The following PARD3B variants were observed in gnomAD, a reference collection of about 807,000 sequenced individuals.
PARD3B encodes partitioning defective 3 homolog B.
PARD3B carries 103 observed loss-of-function variants against 130.2 expected under a neutral mutation model. That is an observed-to-expected ratio of 0.79 (90% CI 0.67 to 0.93). PARD3B has a LOEUF of 0.93. Among genes scored for constraint, PARD3B ranks in the 40% least tolerant of loss-of-function variants. PARD3B has a pLI of 0.00. For missense variants in PARD3B, 1,609 were observed against 1,499.2 expected, an observed-to-expected ratio of 1.07 and a Z score of -1.21; for synonymous variants, 583 against 553.2, an observed-to-expected ratio of 1.05 and a Z score of -0.76.
chr2:205,189,577 C>T, intron 14 of PARD3B, among the ~76,000 whole-genome samples: 1 of 152,172 alleles, frequency 6.6e-6, no homozygotes, highest in East Asian at 1.9e-4. Context: ...CATGCTAACT[C>T]CCTTCAAAAT....
intron 2 of PARD3B, among the ~76,000 whole-genome samples, chr2:204,770,505 G>C (rs539416026): frequency 1.3e-5 from 2 of 151,946 alleles, no homozygotes; most frequent in Admixed American, 1.3e-4. Context: ...GAGTTCTGTA[G>C]ATGTCTATTA....
chr2:205,489,673 A>G (rs1298424249), intron 20 of PARD3B, among the ~76,000 whole-genome samples: 1 of 151,814 alleles, frequency 6.6e-6, no homozygotes, highest in African/African-American at 2.4e-5. Flanking sequence ...GGCAAAACTG[A>G]CTTCTAAAAT....
At chr2:204,777,603 A>G (rs2041675347) in intron 2 of PARD3B, among the ~76,000 whole-genome samples, 2 of 152,098 alleles carry the variant, frequency 1.3e-5, no homozygotes, top group Admixed American at 1.3e-4. Flanking sequence ...CCCTGTCTCT[A>G]CAAAAAATTA....
At chr2:205,036,576 AAAT>A (rs893414068) in intron 3 of PARD3B, among the ~76,000 whole-genome samples, 4 of 149,732 alleles carry the variant, frequency 2.7e-5, no homozygotes, top group African/African-American at 9.8e-5. Flanking sequence ...TATGTACAAA[AAAT>A]ATATATACAC....
At chr2:205,483,866 C>T (rs78627352) in intron 20 of PARD3B, among the ~76,000 whole-genome samples, 3,292 of 152,210 alleles carry the variant, frequency 0.022, 51 homozygotes, top group Non-Finnish European at 0.033. Flanking sequence ...CTTGTTTACA[C>T]TTGGAAAAGA....
At chr2:205,286,616 TAAAAC>T (rs1390265479) in intron 16 of PARD3B, among the ~76,000 whole-genome samples, 2 of 152,130 alleles carry the variant, frequency 1.3e-5, no homozygotes, top group African/African-American at 4.8e-5. Flanking sequence ...AAGGGAAACT[TAAAAC>T]AAACACAGTG....
intron 2 of PARD3B, among the ~76,000 whole-genome samples, chr2:204,724,408 C>G (rs893323419): frequency 2.0e-5 from 3 of 152,096 alleles, no homozygotes. Flanking sequence ...TGGAGCAGTA[C>G]TCAGTAATGT....
chr2:205,533,620 T>C (rs2051700780), intron 21 of PARD3B, among the ~76,000 whole-genome samples: 1 of 152,200 alleles, frequency 6.6e-6, no homozygotes, highest in Non-Finnish European at 1.5e-5. Flanking sequence ...GTTCATTAAA[T>C]AATGAAATCA....
intron 18 of PARD3B, among the ~76,000 whole-genome samples, chr2:205,308,676 A>G (rs1410560661): frequency 6.6e-6 from 1 of 152,078 alleles, no homozygotes; most frequent in African/African-American, 2.4e-5. Flanking sequence ...CATGTAAACT[A>G]TTTGTAACAG....
chr2:204,726,280 A>C (rs1420085006), intron 2 of PARD3B, among the ~76,000 whole-genome samples: 1 of 152,210 alleles, frequency 6.6e-6, no homozygotes, highest in Non-Finnish European at 1.5e-5. Context: ...TTGCTGAAGC[A>C]TCACTAATTG....
intron 2 of PARD3B, among the ~76,000 whole-genome samples, chr2:204,884,027 G>A (rs1051829790): frequency 2.6e-5 from 4 of 152,302 alleles, no homozygotes; most frequent in East Asian, 1.9e-4. Flanking sequence ...GTGAGCCACC[G>A]CACCTGGCCA....
chr2:204,545,786 C>A lies in PARD3B; in HGVS notation c.-214C>A. On this transcript the variant is annotated 5_prime_UTR_variant, in exon 1 of 23. Transcript: ENST00000406610. ...GCCGCCGGGCACCTGGGAGGTAACC[C>A]CTTTCCGCGGCCGCCCCTCCCCGAT... 1 of 479,816 alleles carries A rather than the reference C, an allele frequency of 2.1e-6. No homozygotes were observed. The highest frequency in any genetic ancestry group is 3.5e-6 in the Non-Finnish European group (1 of 282,232). The allele number at this position is 479,816 out of a possible 1,614,324, so 29.7% of individuals were successfully genotyped here.
chr2:205,179,904 A>C (rs903559222), intron 13 of PARD3B, among the ~76,000 whole-genome samples: 2 of 152,044 alleles, frequency 1.3e-5, no homozygotes, highest in African/African-American at 4.8e-5. Flanking sequence ...CAATACAATA[A>C]TCATTTGGTT....
intron 18 of PARD3B, among the ~76,000 whole-genome samples, chr2:205,340,382 T>C (rs773690629): frequency 2.0e-5 from 3 of 152,082 alleles, no homozygotes; most frequent in South Asian, 4.1e-4. Flanking sequence ...CAAAGCAGCA[T>C]GATATTAGTA....
At chr2:205,402,827 G>A (rs2046298098) in intron 19 of PARD3B, among the ~76,000 whole-genome samples, 1 of 152,186 alleles carries the variant, frequency 6.6e-6, no homozygotes, top group Non-Finnish European at 1.5e-5. Context: ...ACATCTGATA[G>A]GGGTTTCCTA....
At position 205,615,501 on chromosome 2, in the gene PARD3B, G is replaced by A; in HGVS notation, c.3306G>A (p.Arg1102=). 1.9e-6 allele frequency: 3 copies of A among 1,613,262 alleles called. No individual in the cohort carries two copies. The highest frequency in any genetic ancestry group is 2.2e-5 in the East Asian group (1 of 44,858). Reference sequence around the variant, plus strand: ...TAGACTATCTGCCAGCAGCACCTCGGGGGCTCTACAAGGAAAGGGAGCTTC... The same window carrying A: ...TAGACTATCTGCCAGCAGCACCTCGAGGGCTCTACAAGGAAAGGGAGCTTC... ...DPVDYLPAAP[R]GLYKERELPY... Residue 1102 remains arginine (R), a synonymous_variant, in exon 23 of 23, where the codon CGG becomes CGA. Transcript: ENST00000406610.
chr2:205,133,607 A>G (rs145763792), intron 10 of PARD3B, among the ~76,000 whole-genome samples: 1 of 152,232 alleles, frequency 6.6e-6, no homozygotes. Flanking sequence ...TCAGTGATCA[A>G]ATTTTCAACT....
chr2:205,509,065 A>G (rs751488359), intron 21 of PARD3B, among the ~76,000 whole-genome samples: 2 of 151,896 alleles, frequency 1.3e-5, no homozygotes, highest in African/African-American at 4.8e-5. Context: ...GATCTGGACT[A>G]TACAACATGT....
At chr2:204,593,871 G>T (rs2033175999) in intron 1 of PARD3B, among the ~76,000 whole-genome samples, 1 of 152,110 alleles carries the variant, frequency 6.6e-6, no homozygotes. Context: ...TAAGACTTTT[G>T]TGGGGACCTC....
Sources: allele counts gnomAD v4.1 joint callset (sites outside exome capture counted in the v4.1 genomes callset), GRCh38; gene constraint gnomAD v4.1.1; transcripts MANE v1.5; gene names NCBI Gene and HGNC (gene_info 2026-07-23, HGNC 2026-07-21).